Variants in WHR1 observed in about 807,000 individuals in gnomAD.
WHR1 encodes MHC class III HLA-RP1.
At chr6:31,980,677 G>C in the WHR1 span, 81 of 1,603,860 alleles carry the variant, frequency 5.1e-5, no homozygotes, top group East Asian at 2.2e-5. Flanking sequence ...CCTTAGCATG[G>C]TCCGGAAGGC....
At chr6:31,975,934 C>CG in the WHR1 span, among the ~76,000 whole-genome samples, 1 of 134,734 alleles carries the variant, frequency 7.4e-6, no homozygotes, top group South Asian at 2.4e-4. Flanking sequence ...CCCTCCCGGA[C>CG]GGGGCGGCTG....
chr6:31,980,466 T>C, the WHR1 span: 2 of 1,613,024 alleles, frequency 1.2e-6, no homozygotes, highest in African/African-American at 1.3e-5. Flanking sequence ...TGGTGAATGC[T>C]GGAGTCCTCA....
chr6:31,974,154 C>T, the WHR1 span, among the ~76,000 whole-genome samples: 2 of 151,810 alleles, frequency 1.3e-5, no homozygotes, highest in African/African-American at 2.4e-5. Context: ...CGTGGTGGTA[C>T]GCGCCTATAG....
chr6:31,972,203 C>A, the WHR1 span: 1 of 1,612,164 alleles, frequency 6.2e-7, no homozygotes, highest in South Asian at 1.1e-5. The surrounding 1 kb of genome is among the most constrained non-coding windows in gnomAD (Gnocchi z 6.3). Context: ...CCCGGCCTGG[C>A]GGAGGTGATG....
chr6:31,971,456 G>A, the WHR1 span: 1 of 1,613,968 alleles, frequency 6.2e-7, no homozygotes, highest in Admixed American at 1.7e-5. The surrounding 1 kb of genome is among the most constrained non-coding windows in gnomAD (Gnocchi z 4.5). Flanking sequence ...CCGTTAGTGG[G>A]GGGTGGGCTA....
chr6:31,980,628 C>T, the WHR1 span: 7 of 1,583,738 alleles, frequency 4.4e-6, no homozygotes, highest in African/African-American at 7.1e-5. Flanking sequence ...TCACCTTTCC[C>T]CTTTCCTGTG....
chr6:31,978,080 G>A, the WHR1 span, among the ~76,000 whole-genome samples: 1 of 152,170 alleles, frequency 6.6e-6, no homozygotes, highest in Non-Finnish European at 1.5e-5. Context: ...GAGCCATCTC[G>A]CCCGGCCTAC....
chr6:31,976,227 C>T, the WHR1 span, among the ~76,000 whole-genome samples: 1 of 150,876 alleles, frequency 6.6e-6, no homozygotes, highest in Non-Finnish European at 1.5e-5. Context: ...GGGCGCCCCT[C>T]ACCTCCCGGA....
At chr6:31,974,355 G>A in the WHR1 span, among the ~76,000 whole-genome samples, 1 of 151,800 alleles carries the variant, frequency 6.6e-6, no homozygotes, top group African/African-American at 2.4e-5. Context: ...AAGTGAAGTA[G>A]TTGGCAGTAT....
the WHR1 span, among the ~76,000 whole-genome samples, chr6:31,977,468 A>G: frequency 6.7e-6 from 1 of 149,482 alleles, no homozygotes; most frequent in Non-Finnish European, 1.5e-5. Context: ...CAGCCTCCCG[A>G]GTAGCTGGGA....
the WHR1 span, among the ~76,000 whole-genome samples, chr6:31,976,528 C>T: frequency 1.0e-3 from 157 of 151,852 alleles, no homozygotes; most frequent in Admixed American, 3.5e-3. Flanking sequence ...GATGGGATGG[C>T]GGCCGGGCAG....
the WHR1 span, among the ~76,000 whole-genome samples, chr6:31,975,525 G>A: frequency 6.6e-6 from 1 of 151,706 alleles, no homozygotes; most frequent in African/African-American, 2.4e-5. Context: ...TATAGGGATG[G>A]GGTTTCACCC....
chr6:31,972,916 G>T, the WHR1 span: 71 of 1,215,970 alleles, frequency 5.8e-5, no homozygotes, highest in Non-Finnish European at 7.6e-5. The surrounding 1 kb of genome is among the most constrained non-coding windows in gnomAD (Gnocchi z 6.3). Flanking sequence ...TAAAAGTCCC[G>T]CAGGTAGTAC....
chr6:31,975,485 T>C, the WHR1 span, among the ~76,000 whole-genome samples: 1 of 151,324 alleles, frequency 6.6e-6, no homozygotes, highest in Non-Finnish European at 1.5e-5. Context: ...ACAGGCATGA[T>C]CCACCGCACC....
the WHR1 span, among the ~76,000 whole-genome samples, chr6:31,977,231 G>T: frequency 2.6e-5 from 4 of 151,854 alleles, no homozygotes; most frequent in Admixed American, 2.6e-4. Context: ...GAGTGCAGTG[G>T]TATGATCTTG....
At chr6:31,972,052 C>G in the WHR1 span, 15 of 1,610,318 alleles carry the variant, frequency 9.3e-6, no homozygotes, top group Non-Finnish European at 1.1e-5. This position sits in a 1 kb window ranked among gnomAD's most constrained non-coding sequence, Gnocchi z 6.3. Flanking sequence ...CAGTGGCGGG[C>G]AAACCCCTCC....
At chr6:31,978,847 T>TA in the WHR1 span, 1 of 1,557,114 alleles carries the variant, frequency 6.4e-7, no homozygotes, top group Non-Finnish European at 8.8e-7. Context: ...GCCCAGAGTA[T>TA]AGCAGAGCAT....
At chr6:31,978,491 G>A in the WHR1 span, among the ~76,000 whole-genome samples, 2 of 152,144 alleles carry the variant, frequency 1.3e-5, no homozygotes, top group African/African-American at 4.8e-5. Context: ...TTTTCAACAG[G>A]TGGATTAGTT....
At chr6:31,980,737 G>T in the WHR1 span, 1 of 1,608,114 alleles carries the variant, frequency 6.2e-7, no homozygotes, top group African/African-American at 1.3e-5. Flanking sequence ...GCGGGCGCCT[G>T]TCGTGGTGCG....
Sources: gnomAD v4.1 joint callset for allele counts (sites outside exome capture counted in the v4.1 genomes callset) on GRCh38, gnomAD v4.1.1 for gene constraint, Gnocchi (gnomAD v3.1) non-coding constraint, MANE v1.5 for transcripts, NCBI Gene and HGNC (gene_info 2026-07-23, HGNC 2026-07-21) for gene names.